PIK3C2B: variants seen among roughly 807,000 people sequenced by gnomAD.
PIK3C2B encodes phosphatidylinositol-4-phosphate 3-kinase catalytic subunit type 2 beta.
PIK3C2B carries 83 observed loss-of-function variants against 184.3 expected under a neutral mutation model. The ratio of observed to expected loss-of-function variants is 0.45; its 90% confidence interval spans 0.38 to 0.54. PIK3C2B has a LOEUF of 0.54. Ranked by LOEUF, PIK3C2B falls within the 20% of genes least tolerant of loss-of-function variation. The pLI is 0.00. For missense variants in PIK3C2B, 1,736 were observed against 2,113.5 expected (o/e 0.82, Z 3.50); for synonymous variants, 779 against 837.6 (o/e 0.93, Z 1.21).
chr1:204,469,803 G>T lies in PIK3C2B; in HGVS notation c.-1C>A. 1 of 1,606,352 alleles carries T rather than the reference G, an allele frequency of 6.2e-7. No individual in the cohort carries two copies. The highest frequency in any genetic ancestry group is 8.5e-7 in the Non-Finnish European group (1 of 1,172,960). On this transcript the variant is annotated 5_prime_UTR_variant, in exon 2 of 33. Transcript: ENST00000684373. The stretch of plus-strand genomic sequence containing the variant: ...CCCCATTGCCCTGAGTCGAAGACAT[G>T]GTGAGGATGGGGGACACAGGCAACA...
In PIK3C2B at chr1:204,441,557, A is replaced by T. The variant is rs757287026; in HGVS notation, c.3163T>A (p.Ser1055Thr). Residue 1055 changes from serine (S) to threonine (T), a missense_variant, in exon 21 of 33, where the codon TCC (serine) becomes ACC (threonine). Coordinates refer to ENST00000684373, the MANE Select transcript of PIK3C2B (RefSeq NM_001377334.1). ...LVKGIVPRDCSYFNSNAVPLK... is the reference protein window; with the variant it reads ...LVKGIVPRDCTYFNSNAVPLK... ...GGGACAGCATTGGAGTTGAAGTAGG[A>T]ACAGTCCTGCCATGGTGAAAAGATA... 5 of 1,611,190 alleles carry T rather than the reference A, an allele frequency of 3.1e-6. No individual in the cohort carries two copies. The highest frequency in any genetic ancestry group is 4.2e-6 in the Non-Finnish European group (5 of 1,177,390).
chr1:204,424,950 G>C lies in PIK3C2B; in HGVS notation c.4807C>G (p.Leu1603Val), dbSNP rs139295851. Residue 1603 changes from leucine to valine, a missense_variant, in exon 33 of 33, where the codon CTC (leucine) becomes GTC (valine). Leu to Val is a conservative substitution (Grantham distance 32, BLOSUM62 1). This residue lies in a region of PIK3C2B where 95 missense variants were observed against 164.2 expected (regional missense o/e 0.58). Transcript: ENST00000684373. ...AGGCGGATGTTCACCTCACCGAGGA[G>C]GACGTTCTCCCAGAATCCCTGCTCA... ...LSEQGFWENV[L>V]LGEVNIRLRE... The C allele has an allele frequency of 1.7e-5, 27 of 1,614,078 alleles. No homozygotes were observed. Among genetic ancestry groups the C allele is most frequent in the Non-Finnish European group, 2.2e-5 (26 of 1,180,012 alleles).
intron 3 of PIK3C2B, 48 bp downstream of exon 3, chr1:204,465,171 C>CCCACCCCCCAAG: frequency 1.2e-6 from 1 of 815,778 alleles, no homozygotes. Flanking sequence ...GCCCCCCTCC[C>CCCACCCCCCAAG]CATCCCCCAT....
In PIK3C2B at chr1:204,423,226, G is replaced by A. The variant is rs1436100538; in HGVS notation, c.*1626C>T. The A allele has an allele frequency of 6.6e-6, 1 of 152,212 alleles. No homozygotes were observed. Among genetic ancestry groups the A allele is most frequent in the Non-Finnish European group, 1.5e-5 (1 of 68,086 alleles). The allele number at this position is 152,212 out of a possible 1,614,324, so 9.4% of individuals were successfully genotyped here. On this transcript the variant is annotated 3_prime_UTR_variant, in exon 33 of 33. Transcript: ENST00000684373. ...GCACTTTGGGAGGCCAAGGCAGGCAGATCACGAGGTCAAGAGATCGAGACC... is the reference window on the plus strand; with the variant it reads ...GCACTTTGGGAGGCCAAGGCAGGCAAATCACGAGGTCAAGAGATCGAGACC...
intron 1 of PIK3C2B, 107 bp from the exon 2 acceptor site, chr1:204,469,993 G>A (rs751666850): frequency 5.8e-5 from 34 of 587,732 alleles, no homozygotes; most frequent in South Asian, 1.0e-4. Flanking sequence ...CTGCTTCTTC[G>A]TTGTGTACAA....
chr1:204,438,810 T>G, intron 23 of PIK3C2B, 125 bp downstream of exon 23: 1 of 1,012,254 alleles, frequency 9.9e-7, no homozygotes, highest in South Asian at 1.6e-5. Context: ...CAAGAAAGGG[T>G]AGGTCCTTCT....
chr1:204,455,104 G>C (rs2055938), intron 11 of PIK3C2B, among the ~76,000 whole-genome samples: 4 of 152,092 alleles, frequency 2.6e-5, no homozygotes, highest in Admixed American at 1.3e-4. Flanking sequence ...CTGTGTGTGC[G>C]TGCGTGTGTG....
chr1:204,452,697 C>T (rs1000449325), intron 12 of PIK3C2B, among the ~76,000 whole-genome samples: 4 of 139,624 alleles, frequency 2.9e-5, no homozygotes, highest in Non-Finnish European at 4.7e-5. Flanking sequence ...CTCTGTTGCC[C>T]AGGCTATAGT....
intron 12 of PIK3C2B, among the ~76,000 whole-genome samples, chr1:204,452,873 G>A (rs1355182159): frequency 6.6e-6 from 1 of 151,980 alleles, no homozygotes; most frequent in Non-Finnish European, 1.5e-5. Context: ...GCCCAGGCTG[G>A]TCTCAAATTC....
intron 1 of PIK3C2B, among the ~76,000 whole-genome samples, chr1:204,487,611 T>C (rs1343019300): frequency 6.6e-6 from 1 of 152,176 alleles, no homozygotes; most frequent in African/African-American, 2.4e-5. Context: ...TTTTTCCAAG[T>C]AGACACCCCA....
rs1305058568 is a variant in PIK3C2B, at chr1:204,433,871, A to G, written c.3765T>C (p.His1255=). The G allele has an allele frequency of 1.9e-6, 3 of 1,614,090 alleles. No homozygotes were observed. The Admixed American group carries it at 5.0e-5, about 27-fold the overall frequency. ...CTTGGCAGCAAAGGTCAACAAAATC[A>G]TGGAAGCGGCTGGAAGGCTTGTCAC... is the stretch of plus-strand genomic sequence containing the variant. ...NGGDKPSSRF[H]DFVDLCCQAY... is the part of the protein sequence containing the mutation. Residue 1255 remains histidine (H), a synonymous_variant, in exon 25 of 33, where the codon CAT becomes CAC. Transcript: ENST00000684373. This position sits in a 1 kb window ranked among gnomAD's most constrained non-coding sequence, Gnocchi z 5.0.
intron 19 of PIK3C2B, among the ~76,000 whole-genome samples, chr1:204,443,211 A>G (rs746721410): frequency 2.6e-5 from 4 of 152,230 alleles, no homozygotes; most frequent in Admixed American, 6.5e-5. Flanking sequence ...ATAAATTTCA[A>G]TATTTTACAG....
chr1:204,431,495 G>T (rs1338394163), intron 28 of PIK3C2B, 174 bp downstream of exon 28: 3 of 713,160 alleles, frequency 4.2e-6, no homozygotes, highest in Non-Finnish European at 7.1e-6. Context: ...TGCAAGGAGA[G>T]CTTGGCCAGC....
intron 1 of PIK3C2B, among the ~76,000 whole-genome samples, chr1:204,481,085 C>T (rs1230519878): frequency 6.6e-6 from 1 of 151,288 alleles, no homozygotes; most frequent in African/African-American, 2.4e-5. Flanking sequence ...GCACCCCACA[C>T]ACACATCTAT....
At chr1:204,456,873 AACACACACAC>A (rs747482741) in intron 10 of PIK3C2B, among the ~76,000 whole-genome samples, 154 bp downstream of exon 10, 9 of 141,606 alleles carry the variant, frequency 6.4e-5, no homozygotes, top group Middle Eastern at 3.4e-3. Flanking sequence ...CTCATATAGG[AACACACACAC>A]ACACACACAC....
In PIK3C2B at chr1:204,469,130, A is replaced by T. The variant is rs760615884; in HGVS notation, c.673T>A (p.Ser225Thr). Residue 225 changes from serine (S) to threonine (T), a missense_variant, in exon 2 of 33, where the codon TCT becomes ACT. This residue lies in a region of PIK3C2B where 404 missense variants were observed against 418.0 expected (regional missense o/e 0.97). Transcript: ENST00000684373. ...TCATTGATACCATCATAGTCCACAG[A>T]CCCCAGTAGGCGCCCCTGACCCCCA... ...GGGGQGRLLGSVDYDGINDAI... is the reference protein window; with the variant it reads ...GGGGQGRLLGTVDYDGINDAI... The T allele has an allele frequency of 4.3e-5, 70 of 1,613,606 alleles. No individual in the cohort carries two copies. Among genetic ancestry groups the T allele is most frequent in the Non-Finnish European group, 5.6e-5 (66 of 1,179,920 alleles).
rs200513505 is a variant in PIK3C2B, at chr1:204,440,219, G to A, written c.3352C>T (p.Arg1118Cys). The A allele has an allele frequency of 5.6e-4, 904 of 1,612,520 alleles. 5 individuals carry two copies. Among genetic ancestry groups the A allele is most frequent in the Admixed American group, 2.8e-4 (17 of 59,944 alleles). The part of the protein sequence containing the change: ...EGLDMRMVIF[R>C]CFSTGRGRGM... ...CTGCCCCGGCCGGTGGAGAAGCAGC[G>A]GAAGATGACCATGCGCATGTCCAGC... Residue 1118 changes from arginine to cysteine, a missense_variant, in exon 22 of 33, where the codon CGC becomes TGC. Arg to Cys is a radical substitution (Grantham distance 180, BLOSUM62 -3). Around this residue, in one of 8 missense-constraint regions of PIK3C2B, gnomAD observed 289 missense variants for 380.4 expected, o/e 0.76. Coordinates refer to ENST00000684373, the MANE Select transcript of PIK3C2B (RefSeq NM_001377334.1).
chr1:204,431,432 A>T (rs1318587403), intron 28 of PIK3C2B: 8 of 566,874 alleles, frequency 1.4e-5, no homozygotes, highest in Non-Finnish European at 1.6e-5. Context: ...GAAACATCAG[A>T]TTCAACCATG....
chr1:204,432,193 C>T lies in PIK3C2B; in HGVS notation c.4155+7G>A. 6.2e-7 allele frequency: 1 copy of T among 1,612,684 alleles called. No homozygotes were observed. Among genetic ancestry groups the T allele is most frequent in the African/African-American group, 1.3e-5 (1 of 75,002 alleles). On this transcript the variant is annotated splice_region_variant and intron_variant, in intron 27 of 32. Transcript: ENST00000684373. ...GGAAAGGGGGTCAGATTGGAGAAAA[C>T]ACTTACATAGCCTTTGTTGGGGTGG...
Sources: allele counts gnomAD v4.1 joint callset (sites outside exome capture counted in the v4.1 genomes callset), GRCh38; gene constraint gnomAD v4.1.1; regional missense constraint gnomAD v4.1.1; non-coding constraint Gnocchi (gnomAD v3.1); transcripts MANE v1.5; gene names NCBI Gene and HGNC (gene_info 2026-07-23, HGNC 2026-07-21).